ZNF462: variants seen among roughly 807,000 people sequenced by gnomAD.
The protein encoded by ZNF462 is zinc finger PBX1-interacting protein.
ZNF462 carries 10 observed loss-of-function variants against 201.9 expected under a neutral mutation model. That is an observed-to-expected ratio of 0.05 (90% CI 0.03 to 0.08). The LOEUF is 0.08. ZNF462 is among the 10% of genes least tolerant of loss of function. The pLI is 1.00. For missense variants in ZNF462, 2,523 were observed against 3,168.3 expected (o/e 0.80, Z 4.89); for synonymous variants, 1,227 against 1,193.3 (o/e 1.03, Z -0.58).
rs918866181 is a variant in ZNF462, at chr9:106,977,158, G to C, written c.6832+2885G>C. On this transcript the variant is annotated intron_variant, in intron 9 of 12. Coordinates refer to ENST00000277225, the MANE Select transcript of ZNF462 (RefSeq NM_021224.6). This position sits in a 1 kb window ranked among gnomAD's most constrained non-coding sequence, Gnocchi z 4.6. ...TTGGTGTCCATCTCTACTCAAAATG[G>C]CAGCTCAGTAGGAAGCTGACCTTGA... Among the ~76,000 whole-genome samples the C allele has an allele frequency of 5.9e-5, 9 of 152,242 alleles. No individual in the cohort carries two copies. The highest frequency in any genetic ancestry group is 1.7e-4 in the African/African-American group (7 of 41,544).
chr9:107,009,174 C>G lies in ZNF462; in HGVS notation c.7190-371C>G, dbSNP rs1829772416. 5.1e-6 allele frequency: 1 copy of G among 195,338 alleles called. No homozygotes were observed. The allele number at this position is 195,338 out of a possible 1,614,324, so 12.1% of individuals were successfully genotyped here. A position where few individuals can be genotyped will look rare whatever the true frequency, so the allele number is the denominator to read the frequency against. On this transcript the variant is annotated intron_variant, in intron 11 of 12. Coordinates refer to ENST00000277225, the MANE Select transcript of ZNF462 (RefSeq NM_021224.6). This position sits in a 1 kb window ranked among gnomAD's most constrained non-coding sequence, Gnocchi z 6.1. ...GTGTCAAAAAGGAAATGAATAGATG[C>G]TAGCCTGTGAGGCACTGATATAAAT...
Position 106,935,736 on chromosome 9 carries a change from G to A in ZNF462, c.6235+115G>A, listed in dbSNP as rs1445314684. The A allele has an allele frequency of 2.7e-6, 2 of 753,350 alleles. No homozygotes were observed. Among genetic ancestry groups the A allele is most frequent in the Admixed American group, 5.3e-5 (2 of 37,964 alleles). 46.7% of individuals were successfully genotyped at this position (753,350 alleles called of 1,614,324 possible). A position where few individuals can be genotyped will look rare whatever the true frequency, so the allele number is the denominator to read the frequency against. Reference sequence around the variant, plus strand: ...TTACACTTGAGAATGTTATTCTTGGGATGGATGTATATTCAGTTTTATTTT... The same window carrying A: ...TTACACTTGAGAATGTTATTCTTGGAATGGATGTATATTCAGTTTTATTTT... On this transcript the variant is annotated intron_variant, in intron 6 of 12. Transcript: ENST00000277225. This position sits in a 1 kb window ranked among gnomAD's most constrained non-coding sequence, Gnocchi z 4.1.
intron 1 of ZNF462, among the ~76,000 whole-genome samples, chr9:106,909,725 A>G (rs996677091): frequency 2.0e-5 from 3 of 152,142 alleles, no homozygotes; most frequent in African/African-American, 7.2e-5. Flanking sequence ...GTCAGAGGAC[A>G]CCTGACTTTT....
intron 1 of ZNF462, among the ~76,000 whole-genome samples, chr9:106,869,327 C>T (rs1285629919): frequency 6.6e-6 from 1 of 152,212 alleles, no homozygotes; most frequent in Non-Finnish European, 1.5e-5. Context: ...CTCTTGCAGA[C>T]TAATGGCTAA....
rs1346044235 is a variant in ZNF462 at position 106,895,828 on chromosome 9, T to C, written c.-30-27526T>C. ...ATCTTTTTGGGGGTGGGAATATGTATTGGGTTCTTCTTTCTTACATATGTT... is the reference window on the plus strand; with the variant it reads ...ATCTTTTTGGGGGTGGGAATATGTACTGGGTTCTTCTTTCTTACATATGTT... On this transcript the variant is annotated intron_variant, in intron 1 of 12. Transcript: ENST00000277225. The surrounding 1 kb of genome is among the most constrained non-coding windows in gnomAD (Gnocchi z 4.4). Among the ~76,000 whole-genome samples the C allele has an allele frequency of 6.6e-6, 1 of 152,166 alleles. No individual in the cohort carries two copies. The highest frequency in any genetic ancestry group is 1.5e-5 in the Non-Finnish European group (1 of 68,028).
chr9:106,929,325 G>A lies in ZNF462; in HGVS notation c.5413G>A (p.Gly1805Ser), dbSNP rs1024997608. ...GAAGCAGCACGCCAGCAAGTTGGGG[G>A]GCTACTTCACGGCCGTCTATGCAGA... The part of the protein sequence containing the change: ...PKKQHASKLG[G>S]YFTAVYADEH... Residue 1805 changes from glycine (G) to serine (S), a missense_variant, in exon 3 of 13, where the codon GGC becomes AGC. Gly to Ser is a moderately conservative substitution (Grantham distance 56, BLOSUM62 0). Coordinates refer to ENST00000277225, the MANE Select transcript of ZNF462 (RefSeq NM_021224.6). The surrounding 1 kb of genome is among the most constrained non-coding windows in gnomAD (Gnocchi z 8.7). The A allele has an allele frequency of 4.3e-6, 7 of 1,614,054 alleles. No individual in the cohort carries two copies. Among genetic ancestry groups the A allele is most frequent in the Non-Finnish European group, 5.1e-6 (6 of 1,180,046 alleles).
intron 1 of ZNF462, among the ~76,000 whole-genome samples, chr9:106,912,156 T>C (rs1829577393): frequency 6.6e-6 from 1 of 152,184 alleles, no homozygotes; most frequent in African/African-American, 2.4e-5. Context: ...TCAGTGACTT[T>C]GTTGGCAGTG....
chr9:106,943,382 T>C (rs765898359), intron 7 of ZNF462, among the ~76,000 whole-genome samples: 16 of 152,208 alleles, frequency 1.1e-4, no homozygotes, highest in Non-Finnish European at 1.6e-4. Context: ...GTCTGTCATA[T>C]CAAAGTCTTC....
chr9:106,928,500 G>T lies in ZNF462; in HGVS notation c.4588G>T (p.Val1530Leu), dbSNP rs762506887. ...CPYINTRIHG[V>L]LTHYQKRHPS... ...ATACATCAACACCCGCATCCACGGC[G>T]TACTGACCCACTACCAGAAGCGACA... Residue 1530 changes from valine (V) to leucine (L), a missense_variant, in exon 3 of 13, where the codon GTA becomes TTA. Physicochemically the swap from Val to Leu is conservative, Grantham distance 32 (BLOSUM62 1). Transcript: ENST00000277225. The surrounding 1 kb of genome is among the most constrained non-coding windows in gnomAD (Gnocchi z 9.3). 3 of 1,614,022 alleles carry T rather than the reference G, an allele frequency of 1.9e-6. No homozygotes were observed. Among genetic ancestry groups the T allele is most frequent in the East Asian group, 2.2e-5 (1 of 44,868 alleles).
rs530202833 is a variant in ZNF462, at chr9:106,935,002, C to T, written c.6117-501C>T. ...CCCATTGCAAGAAGGTCAGCCACTT[C>T]GAAACCTCCCTTCCTCACTCTAGTG... is the stretch of plus-strand genomic sequence containing the variant. On this transcript the variant is annotated intron_variant, in intron 5 of 12. Coordinates refer to ENST00000277225, the MANE Select transcript of ZNF462 (RefSeq NM_021224.6). The surrounding 1 kb of genome is among the most constrained non-coding windows in gnomAD (Gnocchi z 4.1). Among the ~76,000 whole-genome samples, 10 of 152,184 alleles carry T rather than the reference C, an allele frequency of 6.6e-5. No individual in the cohort carries two copies. The highest frequency in any genetic ancestry group is 3.9e-4 in the Admixed American group (6 of 15,290).
In ZNF462 at chr9:107,006,756, G is replaced by A. The variant is rs577049040; in HGVS notation, c.7190-2789G>A. ...GGCTCTTGAACCCCTGACCAAGACAGTCAGCAGGAAATGACAGCCAAGGTA... is the reference window on the plus strand; with the variant it reads ...GGCTCTTGAACCCCTGACCAAGACAATCAGCAGGAAATGACAGCCAAGGTA... On this transcript the variant is annotated intron_variant, in intron 11 of 12. Coordinates refer to ENST00000277225, the MANE Select transcript of ZNF462 (RefSeq NM_021224.6). This position sits in a 1 kb window ranked among gnomAD's most constrained non-coding sequence, Gnocchi z 4.3. 3.2e-4 allele frequency among the ~76,000 whole-genome samples: 48 copies of A among 152,246 alleles called. No individual in the cohort carries two copies. The highest frequency in any genetic ancestry group is 1.1e-3 in the African/African-American group (46 of 41,546).
At chr9:106,908,369 A>C (rs1441249113) in intron 1 of ZNF462, among the ~76,000 whole-genome samples, 1 of 152,112 alleles carries the variant, frequency 6.6e-6, no homozygotes, top group Non-Finnish European at 1.5e-5. Flanking sequence ...ATTCATAATA[A>C]ATCTCCATTG....
chr9:106,967,086 T>TA (rs1477037360), intron 7 of ZNF462, among the ~76,000 whole-genome samples: 1 of 152,146 alleles, frequency 6.6e-6, no homozygotes, highest in Non-Finnish European at 1.5e-5. Flanking sequence ...TCCTTAAACT[T>TA]ACAATAGCTG....
In ZNF462 at chr9:106,928,798, C is replaced by T. The variant is rs926780804; in HGVS notation, c.4886C>T (p.Pro1629Leu). The T allele has an allele frequency of 2.5e-6, 4 of 1,614,164 alleles. No homozygotes were observed. Among genetic ancestry groups the T allele is most frequent in the Non-Finnish European group, 3.4e-6 (4 of 1,180,030 alleles). Residue 1629 changes from proline (P) to leucine (L), a missense_variant, in exon 3 of 13, where the codon CCT (proline) becomes CTT (leucine). Coordinates refer to ENST00000277225, the MANE Select transcript of ZNF462 (RefSeq NM_021224.6). The surrounding 1 kb of genome is among the most constrained non-coding windows in gnomAD (Gnocchi z 9.3). ...LEPEMTTEVS[P>L]SQVSITEEEV... is the part of the protein sequence containing the mutation. Reference sequence around the variant, plus strand: ...CCCGAGATGACCACTGAAGTGAGCCCTTCCCAAGTCTCCATCACTGAGGAG... The same window carrying T: ...CCCGAGATGACCACTGAAGTGAGCCTTTCCCAAGTCTCCATCACTGAGGAG...
At chr9:106,956,695 A>G (rs977500418) in intron 7 of ZNF462, among the ~76,000 whole-genome samples, 7 of 152,148 alleles carry the variant, frequency 4.6e-5, no homozygotes, top group Non-Finnish European at 1.5e-5. Context: ...TCTCTTAGCT[A>G]TATCTTCTGG....
At chr9:106,997,523 G>T (rs1828826119) in intron 10 of ZNF462, among the ~76,000 whole-genome samples, 1 of 152,098 alleles carries the variant, frequency 6.6e-6, no homozygotes, top group African/African-American at 2.4e-5. Context: ...CTACCATTTG[G>T]GACTGTATGG....
chr9:106,903,819 T>C (rs1829157868), intron 1 of ZNF462, among the ~76,000 whole-genome samples: 2 of 152,150 alleles, frequency 1.3e-5, no homozygotes, highest in African/African-American at 4.8e-5. Context: ...CCTTATGTGT[T>C]AGTTGAGTCT....
In ZNF462 at chr9:106,932,238, A is replaced by ATG. The variant is rs572084858; in HGVS notation, c.6013-195_6013-194dup. On this transcript the variant is annotated intron_variant, in intron 4 of 12. Coordinates refer to ENST00000277225, the MANE Select transcript of ZNF462 (RefSeq NM_021224.6). This position sits in a 1 kb window ranked among gnomAD's most constrained non-coding sequence, Gnocchi z 6.8. ...TGGATATTTATTTTGTTGGTGGGGC[A>ATG]TGTGTGTGTGTGTGGTTCTCTTAGC... The ATG allele has an allele frequency of 6.5e-5, 100 of 1,540,098 alleles. No individual in the cohort carries two copies. Among genetic ancestry groups the ATG allele is most frequent in the Middle Eastern group, 1.7e-4 (1 of 5,768 alleles).
rs1827652324 is a variant in ZNF462, at chr9:106,984,141, C to T, written c.6833-45C>T. ...TTCCAAAGAAAGAACTTCTGTTTTG[C>T]CATCAGTAAAAATTCCCATCTTTCC... is the stretch of plus-strand genomic sequence containing the variant. On this transcript the variant is annotated intron_variant, in intron 9 of 12. Coordinates refer to ENST00000277225, the MANE Select transcript of ZNF462 (RefSeq NM_021224.6). This position sits in a 1 kb window ranked among gnomAD's most constrained non-coding sequence, Gnocchi z 6.4. 6.5e-7 allele frequency: 1 copy of T among 1,543,244 alleles called. No individual in the cohort carries two copies. The highest frequency in any genetic ancestry group is 1.8e-5 in the Admixed American group (1 of 55,732).
Sources: gnomAD v4.1 joint callset for allele counts (sites outside exome capture counted in the v4.1 genomes callset) on GRCh38, gnomAD v4.1.1 for gene constraint, Gnocchi (gnomAD v3.1) non-coding constraint, MANE v1.5 for transcripts, NCBI Gene and HGNC (gene_info 2026-07-23, HGNC 2026-07-21) for gene names.